MYO18B: variants seen among roughly 807,000 people sequenced by gnomAD.
The protein encoded by MYO18B is unconventional myosin-XVIIIb.
In MYO18B, 204 loss-of-function variants were observed where a neutral mutation model predicts 273.0. The observed-to-expected ratio is 0.75, with a 90% CI of 0.67 to 0.84. The LOEUF (loss-of-function observed/expected upper bound fraction) is 0.84. Among genes scored for constraint, MYO18B ranks in the 40% least tolerant of loss-of-function variants. The pLI is 0.00. For missense variants in MYO18B, 3,212 were observed against 3,287.6 expected (o/e 0.98, Z 0.56); for synonymous variants, 1,330 against 1,305.7 (o/e 1.02, Z -0.40).
In MYO18B at chr22:25,772,227, C is replaced by G; in HGVS notation, c.1693-107C>G. The G allele has an allele frequency of 5.8e-6, 6 of 1,027,154 alleles. No homozygotes were observed. In the East Asian group the frequency reaches 1.3e-4, roughly 22 times the overall value. The allele number at this position is 1,027,154 out of a possible 1,614,324, so 63.6% of individuals were successfully genotyped here. A position where few individuals can be genotyped will look rare whatever the true frequency, so the allele number is the denominator to read the frequency against. On this transcript the variant is annotated intron_variant, in intron 6 of 43. Coordinates refer to ENST00000335473, the MANE Select transcript of MYO18B (RefSeq NM_032608.7). ...CTCTGTTCTGGTCTTTGGCACATAG[C>G]TCTCAAGAGGAGGGCTTAGTGTGTG...
chr22:25,758,982 C>T (rs2086216083), intron 1 of MYO18B, among the ~76,000 whole-genome samples: 1 of 152,024 alleles, frequency 6.6e-6, no homozygotes, highest in Non-Finnish European at 1.5e-5. Flanking sequence ...TCTCGATATC[C>T]TGACTTTGTG....
In MYO18B at chr22:25,768,688, C is replaced by T. The variant is rs536132671; in HGVS notation, c.772C>T (p.Pro258Ser). 96 of 1,562,804 alleles carry T rather than the reference C, an allele frequency of 6.1e-5. No individual in the cohort carries two copies. Among genetic ancestry groups the T allele is most frequent in the Non-Finnish European group, 8.2e-5 (95 of 1,157,004 alleles). The part of the protein sequence containing the change: ...PKTTELKEAE[P>S]QGKDRQGTRP... ...GACCACAGAGCTGAAAGAGGCTGAG[C>T]CCCAGGGCAAAGACAGGCAGGGGAC... Residue 258 changes from proline to serine, a missense_variant, in exon 4 of 44, where the codon CCC becomes TCC. Pro to Ser is a moderately conservative substitution (Grantham distance 74). Coordinates refer to ENST00000335473, the MANE Select transcript of MYO18B (RefSeq NM_032608.7).
chr22:25,878,114 G>A lies in MYO18B; in HGVS notation c.4314+66G>A, dbSNP rs1601438847. On this transcript the variant is annotated intron_variant, in intron 25 of 43. Coordinates refer to ENST00000335473, the MANE Select transcript of MYO18B (RefSeq NM_032608.7). The stretch of plus-strand genomic sequence containing the variant: ...TATGTATGTGAGATCTGTTTAATGG[G>A]GAGAACAATGATATGCCTGAAAGCA... 7 of 1,254,092 alleles carry A rather than the reference G, an allele frequency of 5.6e-6. No homozygotes were observed. In the East Asian group the frequency reaches 1.6e-4, roughly 28 times the overall value. The allele number at this position is 1,254,092 out of a possible 1,614,324, so 77.7% of individuals were successfully genotyped here.
Position 25,921,297 on chromosome 22 carries a change from G to A in MYO18B, c.5405G>A (p.Arg1802Lys), listed in dbSNP as rs1168205288. The A allele has an allele frequency of 1.3e-6, 2 of 1,557,196 alleles. No homozygotes were observed. Among genetic ancestry groups the A allele is most frequent in the African/African-American group, 1.4e-5 (1 of 73,502 alleles). Residue 1802 changes from arginine (R) to lysine (K), a missense_variant, in exon 34 of 44, where the codon AGA becomes AAA. Arg to Lys is a conservative substitution (Grantham distance 26). Coordinates refer to ENST00000335473, the MANE Select transcript of MYO18B (RefSeq NM_032608.7). ...TTTGATGTGGAGAAGCGACTTCGGAGAGACCTCAGGAGGACACATGCACTG... is the reference window on the plus strand; with the variant it reads ...TTTGATGTGGAGAAGCGACTTCGGAAAGACCTCAGGAGGACACATGCACTG... ...RDFDVEKRLR[R>K]DLRRTHALLS...
chr22:26,033,790 G>C (rs78319804), downstream of MYO18B, among the ~76,000 whole-genome samples: 1 of 115,798 alleles, frequency 8.6e-6, no homozygotes, highest in African/African-American at 4.8e-5. Flanking sequence ...TTCTTTTTCT[G>C]TCTCTCCTTC....
chr22:25,826,257 C>G (rs1204410732), intron 13 of MYO18B, among the ~76,000 whole-genome samples, 152 bp from the exon 14 acceptor site: 2 of 152,180 alleles, frequency 1.3e-5, no homozygotes, highest in African/African-American at 4.8e-5. Flanking sequence ...AGACTTTGTC[C>G]TAAGAACCTG....
Position 26,027,787 on chromosome 22 carries a change from C to A in MYO18B, c.*12+97C>A. 1 of 1,313,830 alleles carries A rather than the reference C, an allele frequency of 7.6e-7. No individual in the cohort carries two copies. Among genetic ancestry groups the A allele is most frequent in the Non-Finnish European group, 1.0e-6 (1 of 980,852 alleles). 81.4% of individuals were successfully genotyped at this position (1,313,830 alleles called of 1,614,324 possible). ...CCACTACTGTCCTTAATGCCACAAC[C>A]GATTTCTCTAGAGACCAAGATTTTT... On this transcript the variant is annotated intron_variant, in intron 43 of 43. Coordinates refer to ENST00000335473, the MANE Select transcript of MYO18B (RefSeq NM_032608.7). The surrounding 1 kb of genome is among the most constrained non-coding windows in gnomAD (Gnocchi z 4.1).
At chr22:25,749,983 G>T (rs911909424) in intron 1 of MYO18B, among the ~76,000 whole-genome samples, 1 of 152,232 alleles carries the variant, frequency 6.6e-6, no homozygotes, top group Non-Finnish European at 1.5e-5. Flanking sequence ...AAGTATGGCT[G>T]CTTGTGAGCC....
chr22:25,970,836 A>G (rs1228364213), intron 39 of MYO18B, among the ~76,000 whole-genome samples: 1 of 152,144 alleles, frequency 6.6e-6, no homozygotes, highest in Non-Finnish European at 1.5e-5. Flanking sequence ...CTCAGGGGGA[A>G]TCCTTCAGGC....
chr22:25,876,273 G>C lies in MYO18B; in HGVS notation c.4165G>C (p.Gly1389Arg), dbSNP rs1355434325. The C allele has an allele frequency of 2.5e-6, 4 of 1,613,384 alleles. No individual in the cohort carries two copies. In the South Asian group the frequency reaches 3.3e-5, roughly 13 times the overall value. The change falls in exon 24 of 44, where the codon GGT becomes CGT. Residue 1389 changes from glycine (G) to arginine (R), a missense_variant. Transcript: ENST00000335473. ...VKDWPWWQLL[G>R]SLQPLLSATI... ...GGACTGGCCATGGTGGCAGCTGCTT[G>C]GTTCCCTCCAGCCTCTACTTAGTGC...
chr22:25,946,338 A>G lies in MYO18B; in HGVS notation c.5631+88A>G, dbSNP rs576793486. The G allele has an allele frequency of 6.5e-5, 52 of 799,462 alleles. No individual in the cohort carries two copies. The South Asian group carries it at 8.6e-4, about 13-fold the overall frequency. The allele number at this position is 799,462 out of a possible 1,614,324, so 49.5% of individuals were successfully genotyped here. A position where few individuals can be genotyped will look rare whatever the true frequency, so the allele number is the denominator to read the frequency against. On this transcript the variant is annotated intron_variant, in intron 35 of 43. Transcript: ENST00000335473. ...GGGCCTAGTGTGCGCTCAGCACTAT[A>G]GGAAGTATGAGGACATTTATTGTAA...
intron 12 of MYO18B, among the ~76,000 whole-genome samples, chr22:25,801,972 C>A (rs2088217794): frequency 6.6e-6 from 1 of 152,164 alleles, no homozygotes. Context: ...TGTGTTCCTG[C>A]CTATGGCAGG....
At chr22:25,773,472 A>C (rs1315693978) in intron 7 of MYO18B, among the ~76,000 whole-genome samples, 4 of 151,756 alleles carry the variant, frequency 2.6e-5, no homozygotes, top group African/African-American at 9.7e-5. Flanking sequence ...TTATTTATTT[A>C]TTTACTTTTG....
At chr22:26,000,901 G>C (rs1933892596) in intron 40 of MYO18B, among the ~76,000 whole-genome samples, 1 of 152,140 alleles carries the variant, frequency 6.6e-6, no homozygotes, top group South Asian at 2.1e-4. Context: ...AGGTTCATGG[G>C]CAAAAGCAAC....
chr22:25,848,596 G>A (rs1023827185), intron 20 of MYO18B, among the ~76,000 whole-genome samples: 4 of 152,198 alleles, frequency 2.6e-5, no homozygotes, highest in African/African-American at 4.8e-5. Context: ...CTGGCAGGGG[G>A]ATGGGGGGAT....
At chr22:25,891,842 C>T (rs55710614) in intron 27 of MYO18B, among the ~76,000 whole-genome samples, 54 of 152,150 alleles carry the variant, frequency 3.5e-4, no homozygotes, top group Non-Finnish European at 6.9e-4. Flanking sequence ...GCCTGGGCAA[C>T]ATAGTGAGAC....
intron 1 of MYO18B, among the ~76,000 whole-genome samples, chr22:25,747,430 G>A (rs1289185380): frequency 6.6e-6 from 1 of 152,202 alleles, no homozygotes; most frequent in African/African-American, 2.4e-5. Flanking sequence ...GTGCTGGCAG[G>A]TGAAAGAAAC....
chr22:26,004,972 T>C (rs1425804714), intron 42 of MYO18B, 117 bp downstream of exon 42: 2 of 1,363,330 alleles, frequency 1.5e-6, no homozygotes, highest in Non-Finnish European at 2.0e-6. Context: ...AGCATGGTCC[T>C]GAAAGTCTGG....
At chr22:25,818,911 G>T (rs1224188585) in intron 12 of MYO18B, among the ~76,000 whole-genome samples, 3 of 152,128 alleles carry the variant, frequency 2.0e-5, no homozygotes, top group African/African-American at 7.2e-5. Flanking sequence ...GTCTCAAAAA[G>T]GCCGTGTACC....
Sources: allele counts gnomAD v4.1 joint callset (sites outside exome capture counted in the v4.1 genomes callset), GRCh38; gene constraint gnomAD v4.1.1; non-coding constraint Gnocchi (gnomAD v3.1); transcripts MANE v1.5; gene names NCBI Gene and HGNC (gene_info 2026-07-23, HGNC 2026-07-21).